The following NCOA3 variants were observed in gnomAD, a reference collection of about 807,000 sequenced individuals.
NCOA3 encodes CBP-interacting protein.
NCOA3 carries 51 observed loss-of-function variants against 158.8 expected under a neutral mutation model. That is an observed-to-expected ratio of 0.32 (90% CI 0.26 to 0.41). NCOA3 has a LOEUF of 0.41. NCOA3 is among the 10% of genes least tolerant of loss of function. NCOA3 has a pLI of 1.00. For synonymous variants in NCOA3, 537 were observed against 592.4 expected (o/e 0.91, Z 1.36); for missense variants, 1,510 against 1,746.6 (o/e 0.86, Z 2.41).
chr20:47,622,515 G>C (rs2086258181), intron 3 of NCOA3, among the ~76,000 whole-genome samples, 185 bp downstream of exon 3: 1 of 151,942 alleles, frequency 6.6e-6, no homozygotes, highest in Non-Finnish European at 1.5e-5. Context: ...TTTTATTGCT[G>C]ATTCATATAG....
intron 20 of NCOA3, 70 bp from the exon 21 acceptor site, chr20:47,652,336 C>A: frequency 1.5e-6 from 2 of 1,378,076 alleles, no homozygotes; most frequent in Non-Finnish European, 2.0e-6. Flanking sequence ...AACAAAATTA[C>A]TACAGAAATC....
chr20:47,619,481 C>CA (rs988501031), intron 2 of NCOA3, among the ~76,000 whole-genome samples: 2 of 149,868 alleles, frequency 1.3e-5, no homozygotes, highest in African/African-American at 5.0e-5. Flanking sequence ...CCTGTCTCTC[C>CA]AAAAAATACA....
At chr20:47,519,427 A>G (rs962120250) in intron 1 of NCOA3, among the ~76,000 whole-genome samples, 1 of 135,728 alleles carries the variant, frequency 7.4e-6, no homozygotes, top group Non-Finnish European at 1.6e-5. Flanking sequence ...GCGAGACTCC[A>G]TCTCAAAAAA....
chr20:47,619,420 G>A (rs953990803), intron 2 of NCOA3, among the ~76,000 whole-genome samples: 5 of 152,048 alleles, frequency 3.3e-5, no homozygotes, highest in Admixed American at 6.5e-5. Flanking sequence ...TGAGGCAGGC[G>A]GATAACTTGA....
At chr20:47,610,972 G>A (rs915828121) in intron 2 of NCOA3, among the ~76,000 whole-genome samples, 2 of 152,100 alleles carry the variant, frequency 1.3e-5, no homozygotes, top group African/African-American at 4.8e-5. Context: ...ATATTTATCT[G>A]TCTTGCATTT....
chr20:47,595,432 G>A (rs1048179707), intron 2 of NCOA3, among the ~76,000 whole-genome samples: 6 of 152,088 alleles, frequency 3.9e-5, no homozygotes, highest in Admixed American at 3.9e-4. Context: ...ATATCTATAG[G>A]GATAGGTCAA....
intron 1 of NCOA3, among the ~76,000 whole-genome samples, chr20:47,548,665 G>T (rs1013466563): frequency 1.3e-5 from 2 of 152,216 alleles, no homozygotes; most frequent in Admixed American, 1.3e-4. Flanking sequence ...ATTGAGAAAT[G>T]CTTTTAAAAA....
Position 47,653,752 on chromosome 20 carries a change from A to G in NCOA3, c.*335A>G. 2.9e-6 allele frequency: 1 copy of G among 347,214 alleles called. No individual in the cohort carries two copies. The highest frequency in any genetic ancestry group is 8.2e-5 in the South Asian group (1 of 12,134). 21.5% of individuals were successfully genotyped at this position (347,214 alleles called of 1,614,324 possible). A position where few individuals can be genotyped will look rare whatever the true frequency, so the allele number is the denominator to read the frequency against. On this transcript the variant is annotated 3_prime_UTR_variant, in exon 23 of 23. Coordinates refer to ENST00000371998, the MANE Select transcript of NCOA3 (RefSeq NM_181659.3). Reference sequence around the variant, plus strand: ...GTCACTTTTTTCTGCCTTGCTAGCCAAAATCTCTTAAATACACGTAGGTGG... The same window carrying G: ...GTCACTTTTTTCTGCCTTGCTAGCCGAAATCTCTTAAATACACGTAGGTGG...
intron 1 of NCOA3, among the ~76,000 whole-genome samples, chr20:47,548,655 A>G (rs968230082): frequency 8.5e-5 from 13 of 152,352 alleles, no homozygotes; most frequent in Admixed American, 7.2e-4. Context: ...TTAACATGCA[A>G]TTGAGAAATG....
chr20:47,619,464 G>GGCAAC (rs2086198643), intron 2 of NCOA3, among the ~76,000 whole-genome samples: 2 of 151,710 alleles, frequency 1.3e-5, no homozygotes, highest in African/African-American at 4.9e-5. Context: ...GGGCAACATA[G>GGCAAC]TGAGACCCTG....
chr20:47,650,733 C>T (rs2086768891), intron 19 of NCOA3, among the ~76,000 whole-genome samples: 1 of 151,906 alleles, frequency 6.6e-6, no homozygotes, highest in Admixed American at 6.6e-5. Context: ...AGTGGTGGTG[C>T]ACGCCTGTAA....
At chr20:47,612,844 G>C (rs1040009189) in intron 2 of NCOA3, among the ~76,000 whole-genome samples, 1 of 152,178 alleles carries the variant, frequency 6.6e-6, no homozygotes, top group Non-Finnish European at 1.5e-5. Context: ...AACTCCCTCT[G>C]TACAGTGTAT....
chr20:47,533,104 CAAAAAAA>C (rs11344209), intron 1 of NCOA3, among the ~76,000 whole-genome samples: 8 of 39,718 alleles, frequency 2.0e-4, no homozygotes, highest in South Asian at 1.3e-3. Flanking sequence ...GACTCTGTCT[CAAAAAAA>C]AAAAAAAAAA....
At chr20:47,589,633 C>T (rs772514953) in intron 2 of NCOA3, among the ~76,000 whole-genome samples, 1 of 152,104 alleles carries the variant, frequency 6.6e-6, no homozygotes, top group Non-Finnish European at 1.5e-5. Context: ...CCTTGACCTC[C>T]CAAAGTTCTG....
chr20:47,566,499 C>G (rs963085548), intron 1 of NCOA3, among the ~76,000 whole-genome samples: 1 of 151,860 alleles, frequency 6.6e-6, no homozygotes, highest in African/African-American at 2.4e-5. Context: ...CTTCTTCCCC[C>G]TTATCTATAT....
chr20:47,554,464 G>A (rs970296075), intron 1 of NCOA3, among the ~76,000 whole-genome samples: 3 of 151,924 alleles, frequency 2.0e-5, no homozygotes, highest in Non-Finnish European at 2.9e-5. Context: ...TAGACATGAA[G>A]TCCTTGCCCA....
chr20:47,623,783 C>CT lies in NCOA3; in HGVS notation c.84-127dup, dbSNP rs1250363541. 10 of 872,592 alleles carry CT rather than the reference C, an allele frequency of 1.1e-5. No individual in the cohort carries two copies. In the East Asian group the frequency reaches 2.1e-4, roughly 18 times the overall value. The allele number at this position is 872,592 out of a possible 1,614,324, so 54.1% of individuals were successfully genotyped here. ...AGCCTGGGCAACAAGAGCGAAAACT[C>CT]TGTCTCGAGGAAAAAAAAAAAAAAG... On this transcript the variant is annotated intron_variant, in intron 3 of 22. Transcript: ENST00000371998.
At chr20:47,553,941 A>G (rs915565225) in intron 1 of NCOA3, among the ~76,000 whole-genome samples, 1 of 152,170 alleles carries the variant, frequency 6.6e-6, no homozygotes, top group Non-Finnish European at 1.5e-5. Flanking sequence ...GTCAAATGGT[A>G]TTTCTAGTTC....
At chr20:47,509,600 T>C (rs1002542068) in intron 1 of NCOA3, among the ~76,000 whole-genome samples, 4 of 152,146 alleles carry the variant, frequency 2.6e-5, no homozygotes, top group Non-Finnish European at 4.4e-5. Context: ...TGAGTTTGTT[T>C]CCAGATTGAA....
Sources: allele counts gnomAD v4.1 joint callset (sites outside exome capture counted in the v4.1 genomes callset), GRCh38; gene constraint gnomAD v4.1.1; transcripts MANE v1.5; gene names NCBI Gene and HGNC (gene_info 2026-07-23, HGNC 2026-07-21).